MAML2: variants seen among roughly 807,000 people sequenced by gnomAD.
MAML2 encodes mastermind-like protein 2.
MAML2 carries 22 observed loss-of-function variants against 96.1 expected under a neutral mutation model. The ratio of observed to expected loss-of-function variants is 0.23; its 90% confidence interval spans 0.16 to 0.33. The LOEUF is 0.33. MAML2 is among the 10% of genes least tolerant of loss of function. The pLI is 1.00. For missense variants in MAML2, 1,367 were observed against 1,392.4 expected, an observed-to-expected ratio of 0.98 and a Z score of 0.29; for synonymous variants, 561 against 521.3, an observed-to-expected ratio of 1.08 and a Z score of -1.04.
intron 2 of MAML2, among the ~76,000 whole-genome samples, chr11:96,047,327 C>T (rs1345783462): frequency 1.3e-5 from 2 of 152,158 alleles, no homozygotes; most frequent in African/African-American, 4.8e-5. Context: ...ACCCAAACTC[C>T]AAGCAGTTTT....
At chr11:96,208,323 G>A (rs1330656587) in intron 1 of MAML2, among the ~76,000 whole-genome samples, 1 of 152,096 alleles carries the variant, frequency 6.6e-6, no homozygotes, top group Admixed American at 6.5e-5. Flanking sequence ...TCAGTGTTGT[G>A]AGATACAAAC....
chr11:96,259,796 G>T (rs146909552), intron 1 of MAML2, among the ~76,000 whole-genome samples: 3 of 152,118 alleles, frequency 2.0e-5, no homozygotes, highest in Non-Finnish European at 4.4e-5. Context: ...TTCAGTAAAG[G>T]TGTCAACTCT....
intron 2 of MAML2, among the ~76,000 whole-genome samples, chr11:96,014,889 T>C (rs2135731016): frequency 6.6e-6 from 1 of 152,276 alleles, no homozygotes; most frequent in African/African-American, 2.4e-5. Context: ...CATGTTTGAG[T>C]CATTAATTCA....
rs1036955412 is a variant in MAML2 at position 95,988,602 on chromosome 11, T to TTA, written c.2343+2916_2343+2917dup. Among the ~76,000 whole-genome samples the TTA allele has an allele frequency of 2.1e-4, 31 of 147,720 alleles. No homozygotes were observed. In the East Asian group the frequency reaches 2.1e-3, roughly 10 times the overall value. ...ATAATATTTATATTACATATATCATTTATATATATATATCCAGAAATTTAG... is the reference window on the plus strand; with the variant it reads ...ATAATATTTATATTACATATATCATTTATATATATATATATCCAGAAATTTAG... On this transcript the variant is annotated intron_variant, in intron 3 of 4. Coordinates refer to ENST00000524717, the MANE Select transcript of MAML2 (RefSeq NM_032427.4).
intron 1 of MAML2, among the ~76,000 whole-genome samples, chr11:96,215,063 T>C (rs975564787): frequency 1.3e-4 from 20 of 152,248 alleles, no homozygotes; most frequent in African/African-American, 4.8e-4. Context: ...TGTCTGTGTG[T>C]CCATTTCTTG....
chr11:95,988,383 C>A (rs1857861745), intron 3 of MAML2, among the ~76,000 whole-genome samples: 1 of 151,586 alleles, frequency 6.6e-6, no homozygotes, highest in Non-Finnish European at 1.5e-5. Context: ...CTCAGTCTCC[C>A]AAGTAGCTGA....
At chr11:96,210,240 G>C (rs143061565) in intron 1 of MAML2, among the ~76,000 whole-genome samples, 4,202 of 152,190 alleles carry the variant, frequency 0.028, 192 homozygotes, top group African/African-American at 0.095. Flanking sequence ...CTCTCAAATA[G>C]CTGGGATTAC....
intron 2 of MAML2, among the ~76,000 whole-genome samples, 197 bp downstream of exon 2, chr11:96,091,695 C>T (rs1184947826): frequency 6.6e-6 from 1 of 152,198 alleles, no homozygotes; most frequent in Non-Finnish European, 1.5e-5. Context: ...TACTAATGCT[C>T]TACAGGGAAG....
At chr11:96,130,186 A>G (rs1366835240) in intron 1 of MAML2, among the ~76,000 whole-genome samples, 1 of 152,108 alleles carries the variant, frequency 6.6e-6, no homozygotes, top group African/African-American at 2.4e-5. Flanking sequence ...TGGCACTTGG[A>G]CTCCAAAAAG....
chr11:96,203,901 T>C (rs1333205861), intron 1 of MAML2, among the ~76,000 whole-genome samples: 2 of 152,236 alleles, frequency 1.3e-5, no homozygotes, highest in Admixed American at 1.3e-4. Flanking sequence ...TCTAATCTAC[T>C]GTATTAGTGA....
intron 1 of MAML2, among the ~76,000 whole-genome samples, chr11:96,114,919 A>T (rs1860208183): frequency 6.6e-6 from 1 of 152,176 alleles, no homozygotes; most frequent in African/African-American, 2.4e-5. Context: ...GCTGGCTGGG[A>T]TCAAAAAGAC....
chr11:96,275,230 C>G (rs1216110864), intron 1 of MAML2, among the ~76,000 whole-genome samples: 1 of 150,618 alleles, frequency 6.6e-6, no homozygotes, highest in Non-Finnish European at 1.5e-5. Context: ...TAAACATATC[C>G]TAACTTTTGC....
At chr11:96,044,789 A>G (rs1858870091) in intron 2 of MAML2, among the ~76,000 whole-genome samples, 1 of 152,252 alleles carries the variant, frequency 6.6e-6, no homozygotes, top group African/African-American at 2.4e-5. Flanking sequence ...CTATTTGGAA[A>G]TGAAAGTTGT....
chr11:96,221,439 C>A (rs956477053), intron 1 of MAML2, among the ~76,000 whole-genome samples: 1 of 152,146 alleles, frequency 6.6e-6, no homozygotes, highest in Non-Finnish European at 1.5e-5. Context: ...TGTTTTGTAT[C>A]CCCTGTCATT....
intron 2 of MAML2, among the ~76,000 whole-genome samples, chr11:95,999,752 G>A (rs919711316): frequency 1.3e-5 from 2 of 152,026 alleles, no homozygotes; most frequent in Admixed American, 6.6e-5. Flanking sequence ...TGGGATGACT[G>A]CCCTTTCTTT....
At chr11:96,013,430 G>T (rs559413422) in intron 2 of MAML2, among the ~76,000 whole-genome samples, 1 of 152,332 alleles carries the variant, frequency 6.6e-6, no homozygotes, top group African/African-American at 2.4e-5. Context: ...AGGGAAGAGT[G>T]TGGTCCCTTT....
chr11:96,268,868 A>G (rs1862870036), intron 1 of MAML2, among the ~76,000 whole-genome samples: 1 of 144,652 alleles, frequency 6.9e-6, no homozygotes, highest in African/African-American at 2.6e-5. Context: ...ACTGTGAGTC[A>G]ATTAAAACTC....
intron 1 of MAML2, among the ~76,000 whole-genome samples, chr11:96,095,680 T>A (rs1248158199): frequency 3.3e-5 from 5 of 152,228 alleles, no homozygotes; most frequent in Admixed American, 1.3e-4. Context: ...CAATCCCAGG[T>A]CAGCTCTGCT....
At chr11:96,071,806 G>T (rs1859349190) in intron 2 of MAML2, among the ~76,000 whole-genome samples, 2 of 152,172 alleles carry the variant, frequency 1.3e-5, no homozygotes, top group African/African-American at 2.4e-5. Context: ...AGTCCATCCT[G>T]CATATACCTA....
Sources: gnomAD v4.1 joint callset for allele counts (sites outside exome capture counted in the v4.1 genomes callset) on GRCh38, gnomAD v4.1.1 for gene constraint, MANE v1.5 for transcripts, NCBI Gene and HGNC (gene_info 2026-07-23, HGNC 2026-07-21) for gene names.